The following GLIS3 variants were observed in gnomAD, a reference collection of about 807,000 sequenced individuals.
GLIS3 encodes the protein GLIS family zinc finger 3.
In GLIS3, 53 loss-of-function variants were observed where a neutral mutation model predicts 78.6. The ratio of observed to expected loss-of-function variants is 0.67; its 90% CI spans 0.54 to 0.85. The LOEUF is 0.85. Among genes scored for constraint, GLIS3 ranks in the 40% least tolerant of loss-of-function variants. The pLI is 0.00. For synonymous variants in GLIS3, 684 were observed against 509.9 expected, an observed-to-expected ratio of 1.34 and a Z score of -4.60; for missense variants, 1,703 against 1,231.1, an observed-to-expected ratio of 1.38 and a Z score of -5.74.
chr9:4,191,545 T>C (rs1451798675), intron 2 of GLIS3, among the ~76,000 whole-genome samples: 1 of 152,242 alleles, frequency 6.6e-6, no homozygotes, highest in African/African-American at 2.4e-5. Context: ...CCTAGATCTC[T>C]GTGGTTTCTG....
At chr9:4,457,751 G>A in the GLIS3 span, among the ~76,000 whole-genome samples, 1 of 151,490 alleles carries the variant, frequency 6.6e-6, no homozygotes, top group African/African-American at 2.4e-5. Context: ...TCGGGAGGCT[G>A]AGGCAGAAGA....
At chr9:4,229,167 G>A (rs1365136489) in intron 2 of GLIS3, among the ~76,000 whole-genome samples, 1 of 152,328 alleles carries the variant, frequency 6.6e-6, no homozygotes, top group East Asian at 1.9e-4. Context: ...AAGGATACAT[G>A]AGGGAACAGC....
chr9:4,437,522 C>G, the GLIS3 span, among the ~76,000 whole-genome samples: 3 of 152,014 alleles, frequency 2.0e-5, no homozygotes, highest in South Asian at 2.1e-4. Flanking sequence ...ATAATGACAT[C>G]CATTTTACAG....
chr9:4,324,486 G>A (rs10974458), intron 2 of GLIS3, among the ~76,000 whole-genome samples: 4,481 of 152,264 alleles, frequency 0.029, 98 homozygotes, highest in East Asian at 0.12. Flanking sequence ...AAAGTTCTTT[G>A]TCAACTATAA....
the GLIS3 span, among the ~76,000 whole-genome samples, chr9:4,382,772 G>C: frequency 6.6e-6 from 1 of 152,090 alleles, no homozygotes; most frequent in Non-Finnish European, 1.5e-5. Context: ...CAAGATCAGG[G>C]CCTTTCCATT....
rs142857240 is a variant in GLIS3, at chr9:3,907,027, G to A, written c.1984-8192C>T. ...CCCTGACCAGACCAGTCCACACTGGGCCTCTCAGGGTACAAGAAGAACTGC... is the reference window on the plus strand; with the variant it reads ...CCCTGACCAGACCAGTCCACACTGGACCTCTCAGGGTACAAGAAGAACTGC... On this transcript the variant is annotated intron_variant, in intron 6 of 10. Transcript: ENST00000381971. Among the ~76,000 whole-genome samples the A allele has an allele frequency of 3.2e-3, 481 of 152,136 alleles. 2 individuals are homozygous for A. Among genetic ancestry groups the A allele is most frequent in the Admixed American group, 6.7e-3 (103 of 15,288 alleles).
intron 4 of GLIS3, among the ~76,000 whole-genome samples, chr9:3,950,704 C>T (rs1012487058): frequency 3.3e-5 from 5 of 152,224 alleles, no homozygotes; most frequent in African/African-American, 9.6e-5. Context: ...CCTCATGGAA[C>T]GTGAGTCCGC....
intron 2 of GLIS3, among the ~76,000 whole-genome samples, chr9:4,261,123 C>A (rs1453481496): frequency 6.6e-6 from 1 of 152,212 alleles, no homozygotes; most frequent in Admixed American, 6.5e-5. Flanking sequence ...AGAAAACTGA[C>A]TGGGGAACTG....
chr9:3,829,294 C>A lies in GLIS3; in HGVS notation c.2656+16G>T. 6.2e-7 allele frequency: 1 copy of A among 1,612,820 alleles called. No homozygotes were observed. Among genetic ancestry groups the A allele is most frequent in the Non-Finnish European group, 8.5e-7 (1 of 1,178,978 alleles). On this transcript the variant is annotated intron_variant, in intron 10 of 10. Transcript: ENST00000381971. ...TCAGTTGACAGGATTTTCTAAGTCA[C>A]AGACAACCAACACACCTGTAATGCC... is the stretch of plus-strand genomic sequence containing the variant.
intron 2 of GLIS3, among the ~76,000 whole-genome samples, chr9:4,332,791 C>T (rs964270210): frequency 2.6e-5 from 4 of 152,154 alleles, no homozygotes; most frequent in African/African-American, 9.7e-5. Context: ...TGTTCCTCTA[C>T]ACATCTATTC....
intron 4 of GLIS3, among the ~76,000 whole-genome samples, chr9:4,037,602 G>A (rs746147629): frequency 7.2e-6 from 1 of 139,184 alleles, no homozygotes; most frequent in African/African-American, 2.9e-5. Context: ...TAAATCCTGG[G>A]GGAACTTTCA....
intron 8 of GLIS3, among the ~76,000 whole-genome samples, chr9:3,861,644 A>G (rs1332534953): frequency 6.6e-6 from 1 of 152,186 alleles, no homozygotes; most frequent in Non-Finnish European, 1.5e-5. Flanking sequence ...AGGGACATGG[A>G]TGGAGCTGGA....
chr9:3,912,906 G>A (rs1256995508), intron 6 of GLIS3, among the ~76,000 whole-genome samples: 3 of 152,190 alleles, frequency 2.0e-5, no homozygotes, highest in African/African-American at 7.2e-5. Context: ...TTTTATCACA[G>A]CTTCATAAAT....
chr9:3,985,860 T>C (rs1201271711), intron 4 of GLIS3, among the ~76,000 whole-genome samples: 1 of 152,212 alleles, frequency 6.6e-6, no homozygotes, highest in Non-Finnish European at 1.5e-5. Flanking sequence ...TAAAAGTTAC[T>C]TTCCCTCTAG....
chr9:4,298,523 G>C lies in GLIS3; in HGVS notation c.-99+898C>G, dbSNP rs1318056914. The C allele has an allele frequency of 7.6e-6, 3 of 395,308 alleles. No individual in the cohort carries two copies. In the Admixed American group the frequency reaches 8.7e-5, roughly 11 times the overall value. 24.5% of individuals were successfully genotyped at this position (395,308 alleles called of 1,614,324 possible). ...TCGCTCGGGGCAAGGTGTGTGTCTA[G>C]GAGAGAGCCGGCGGCTCACTCACGC... On this transcript the variant is annotated intron_variant, in intron 1 of 10. Coordinates refer to ENST00000381971, the MANE Select transcript of GLIS3 (RefSeq NM_001042413.2).
the GLIS3 span, among the ~76,000 whole-genome samples, chr9:4,450,607 G>A: frequency 1.3e-5 from 2 of 152,176 alleles, no homozygotes; most frequent in Non-Finnish European, 2.9e-5. Context: ...AGAAAGGTCA[G>A]GTTACCCACA....
chr9:4,320,839 A>G (rs1211913514), intron 2 of GLIS3, among the ~76,000 whole-genome samples: 1 of 152,184 alleles, frequency 6.6e-6, no homozygotes, highest in Non-Finnish European at 1.5e-5. Flanking sequence ...TAAGCGGTCC[A>G]TCCATATTCA....
chr9:3,953,758 T>C (rs1816852653), intron 4 of GLIS3, among the ~76,000 whole-genome samples: 1 of 106,728 alleles, frequency 9.4e-6, no homozygotes, highest in Non-Finnish European at 1.9e-5. Flanking sequence ...ATAATTAGAT[T>C]TGCTCTCTCT....
At chr9:4,299,365 GCCCGGTTTCTC>G (rs1359001800) in intron 1 of GLIS3, 45 bp downstream of exon 1, 1 of 152,242 alleles carries the variant, frequency 6.6e-6, no homozygotes, top group Non-Finnish European at 1.5e-5. Context: ...ACTCTCAAGC[GCCCGGTTTCTC>G]CTCGTCTCTC....
Sources: gnomAD v4.1 joint callset for allele counts (sites outside exome capture counted in the v4.1 genomes callset) on GRCh38, gnomAD v4.1.1 for gene constraint, MANE v1.5 for transcripts, NCBI Gene and HGNC (gene_info 2026-07-23, HGNC 2026-07-21) for gene names.